Variants in PRTG observed in about 807,000 individuals in gnomAD.
PRTG encodes protogenin.
Under a neutral mutation model 122.5 loss-of-function variants are expected in PRTG, and 67 were observed. That is an observed-to-expected ratio of 0.55 (90% CI 0.45 to 0.67). The LOEUF (loss-of-function observed/expected upper bound fraction) is 0.67. Among genes scored for constraint, PRTG ranks in the 30% least tolerant of loss-of-function variants. The pLI, the probability that PRTG is intolerant of heterozygous loss-of-function variation, is 0.00. For synonymous variants in PRTG, 554 were observed against 501.1 expected (o/e 1.11, Z -1.41); for missense variants, 1,435 against 1,415.4 (o/e 1.01, Z -0.22).
chr15:55,656,170 A>G (rs1341445131), intron 11 of PRTG: 3 of 288,592 alleles, frequency 1.0e-5, no homozygotes, highest in Admixed American at 9.8e-5. Context: ...AAATTGTCCA[A>G]TAATGTTCTT....
chr15:55,743,143 G>C lies in PRTG; in HGVS notation c.-212C>G. Reference sequence around the variant, plus strand: ...AGCAAGGGGCCTGAGAGTCCGGCTGGGGGCGGAGTGAGGCGGCGGCTGCAG... The same window carrying C: ...AGCAAGGGGCCTGAGAGTCCGGCTGCGGGCGGAGTGAGGCGGCGGCTGCAG... On this transcript the variant is annotated 5_prime_UTR_variant, in exon 1 of 20. Transcript: ENST00000389286. 1 of 1,247,212 alleles carries C rather than the reference G, an allele frequency of 8.0e-7. No individual in the cohort carries two copies. The highest frequency in any genetic ancestry group is 1.0e-6 in the Non-Finnish European group (1 of 998,466). 77.3% of individuals were successfully genotyped at this position (1,247,212 alleles called of 1,614,324 possible).
At chr15:55,655,351 C>T (rs1432150840) in intron 11 of PRTG, 1 of 152,100 alleles carries the variant, frequency 6.6e-6, no homozygotes, top group Admixed American at 6.6e-5. Context: ...TGGTTTTCAA[C>T]ACGTATGACA....
chr15:55,716,188 G>A (rs1030378897), intron 2 of PRTG, among the ~76,000 whole-genome samples: 6 of 152,184 alleles, frequency 3.9e-5, no homozygotes, highest in East Asian at 1.9e-4. Flanking sequence ...AGCCAAGATC[G>A]TGGCACTGCA....
At chr15:55,640,498 G>T (rs900919641) in intron 12 of PRTG, among the ~76,000 whole-genome samples, 6 of 152,132 alleles carry the variant, frequency 3.9e-5, no homozygotes, top group African/African-American at 1.4e-4. Flanking sequence ...ACCAGTGGGG[G>T]ACTTAAGACT....
At chr15:55,686,880 C>G (rs1290876032) in intron 2 of PRTG, among the ~76,000 whole-genome samples, 1 of 152,182 alleles carries the variant, frequency 6.6e-6, no homozygotes, top group Admixed American at 6.5e-5. Flanking sequence ...TTCTTTAAAG[C>G]CTGGTTCACT....
intron 2 of PRTG, among the ~76,000 whole-genome samples, chr15:55,692,129 T>TA (rs1291359048): frequency 1.3e-5 from 2 of 152,206 alleles, no homozygotes; most frequent in Non-Finnish European, 2.9e-5. Flanking sequence ...AAATATTTTT[T>TA]AAAAAACAAA....
At chr15:55,647,213 G>A (rs1410417863) in intron 11 of PRTG, among the ~76,000 whole-genome samples, 1 of 152,098 alleles carries the variant, frequency 6.6e-6, no homozygotes, top group Non-Finnish European at 1.5e-5. Flanking sequence ...CCAGGAGGCA[G>A]CTGTTGCATG....
chr15:55,714,499 G>A (rs949868541), intron 2 of PRTG, among the ~76,000 whole-genome samples: 2 of 151,448 alleles, frequency 1.3e-5, no homozygotes, highest in African/African-American at 4.9e-5. Flanking sequence ...CCTAAGTGTT[G>A]GGATTACAAG....
intron 2 of PRTG, among the ~76,000 whole-genome samples, chr15:55,716,243 C>A (rs1272083500): frequency 6.6e-6 from 1 of 152,068 alleles, no homozygotes; most frequent in Non-Finnish European, 1.5e-5. Context: ...AAACAGAAAA[C>A]AAACAAACAA....
chr15:55,688,394 T>G (rs1194051170), intron 2 of PRTG, among the ~76,000 whole-genome samples: 3 of 140,386 alleles, frequency 2.1e-5, no homozygotes, highest in Admixed American at 1.4e-4. Context: ...ATGGTCTTTT[T>G]TGGTGATTAT....
intron 18 of PRTG, 139 bp from the exon 19 acceptor site, chr15:55,620,906 T>C (rs1030257231): frequency 5.3e-6 from 4 of 751,960 alleles, no homozygotes; most frequent in Non-Finnish European, 8.2e-6. Flanking sequence ...ATTCAGGGAG[T>C]ACATGTGCAT....
intron 4 of PRTG, among the ~76,000 whole-genome samples, chr15:55,681,942 T>C (rs2059540817): frequency 2.0e-5 from 3 of 152,146 alleles, no homozygotes; most frequent in Admixed American, 2.0e-4. Flanking sequence ...AAAATAAAAA[T>C]ACACAAATTT....
In PRTG at chr15:55,624,424, A is replaced by T; in HGVS notation, c.3011T>A (p.Val1004Glu). Residue 1004 changes from valine to glutamate, a missense_variant, in exon 18 of 20, where the codon GTA (valine) becomes GAA (glutamate). Coordinates refer to ENST00000389286, the MANE Select transcript of PRTG (RefSeq NM_173814.6). ...TACAGCTCCTTCCAGGTTCTTTCCT[A>T]CCTCATTTCCACTAGCTAAGGAGGC... ...TSASLASGNE[V>E]GKNLEGAVGN... The T allele has an allele frequency of 6.2e-7, 1 of 1,613,932 alleles. No homozygotes were observed. Among genetic ancestry groups the T allele is most frequent in the Non-Finnish European group, 8.5e-7 (1 of 1,179,866 alleles).
In PRTG at chr15:55,615,694, T is replaced by C. The variant is rs555741354; in HGVS notation, c.*4318A>G. 1 of 152,160 alleles carries C rather than the reference T, an allele frequency of 6.6e-6. No individual in the cohort carries two copies. The highest frequency in any genetic ancestry group is 2.1e-4 in the South Asian group (1 of 4,824). The allele number at this position is 152,160 out of a possible 1,614,324, so 9.4% of individuals were successfully genotyped here. On this transcript the variant is annotated 3_prime_UTR_variant, in exon 20 of 20. Coordinates refer to ENST00000389286, the MANE Select transcript of PRTG (RefSeq NM_173814.6). ...GAAAGTCTGCAAAACACATGTGCAGTCTTAGTGACTGTTTCAATATAACTG... is the reference window on the plus strand; with the variant it reads ...GAAAGTCTGCAAAACACATGTGCAGCCTTAGTGACTGTTTCAATATAACTG...
intron 2 of PRTG, among the ~76,000 whole-genome samples, chr15:55,704,823 A>G (rs1276286471): frequency 6.6e-6 from 1 of 152,188 alleles, no homozygotes; most frequent in East Asian, 1.9e-4. Flanking sequence ...AGCCAATTTA[A>G]TTGATAACAG....
chr15:55,659,850 T>C (rs1458507062), intron 11 of PRTG, among the ~76,000 whole-genome samples: 1 of 151,366 alleles, frequency 6.6e-6, no homozygotes, highest in Non-Finnish European at 1.5e-5. Flanking sequence ...ACCCAGAAAA[T>C]GGAGGTTGCA....
intron 2 of PRTG, among the ~76,000 whole-genome samples, chr15:55,736,548 A>C (rs2031419040): frequency 6.6e-6 from 1 of 152,096 alleles, no homozygotes; most frequent in South Asian, 2.1e-4. Context: ...TCTTAACTTA[A>C]ATTGATGTAT....
chr15:55,631,916 G>A (rs769876708), intron 15 of PRTG, among the ~76,000 whole-genome samples: 1 of 152,128 alleles, frequency 6.6e-6, no homozygotes, highest in Non-Finnish European at 1.5e-5. Context: ...TCTTTTGGAA[G>A]ACAGAAAACT....
chr15:55,672,367 G>T (rs1255295710), intron 11 of PRTG, 78 bp downstream of exon 11: 5 of 1,154,104 alleles, frequency 4.3e-6, no homozygotes, highest in Non-Finnish European at 5.0e-6. Flanking sequence ...AAGTTCTCCT[G>T]CTTTAGATCC....
Sources: gnomAD v4.1 joint callset for allele counts (sites outside exome capture counted in the v4.1 genomes callset) on GRCh38, gnomAD v4.1.1 for gene constraint, MANE v1.5 for transcripts, NCBI Gene and HGNC (gene_info 2026-07-23, HGNC 2026-07-21) for gene names.